Variants in CSMD1 observed in about 807,000 individuals in gnomAD.
The protein encoded by CSMD1 is CUB and Sushi multiple domains 1.
Under a neutral mutation model 417.5 loss-of-function variants are expected in CSMD1, and 213 were observed. The observed-to-expected ratio is 0.51, with a 90% CI of 0.46 to 0.57. CSMD1 has a LOEUF of 0.57. Ranked by LOEUF, CSMD1 falls within the 20% of genes least tolerant of loss-of-function variation. The pLI, the probability that CSMD1 is intolerant of heterozygous loss-of-function variation, is 0.00. For synonymous variants in CSMD1, 2,862 were observed against 1,736.8 expected, an observed-to-expected ratio of 1.65 and a Z score of -16.11; for missense variants, 6,923 against 4,529.7, an observed-to-expected ratio of 1.53 and a Z score of -15.17.
intron 26 of CSMD1, among the ~76,000 whole-genome samples, chr8:3,264,325 C>G (rs1432282101): frequency 6.6e-6 from 1 of 152,264 alleles, no homozygotes; most frequent in African/African-American, 2.4e-5. Flanking sequence ...ATGTGAAGAT[C>G]TGGTATTATA....
At chr8:4,822,993 A>G (rs1199492353) in intron 1 of CSMD1, among the ~76,000 whole-genome samples, 1 of 152,104 alleles carries the variant, frequency 6.6e-6, no homozygotes, top group Non-Finnish European at 1.5e-5. Context: ...GAAATCCAGT[A>G]ATTATTTGTA....
At chr8:4,564,128 T>C (rs1585255378) in intron 2 of CSMD1, among the ~76,000 whole-genome samples, 1 of 152,336 alleles carries the variant, frequency 6.6e-6, no homozygotes, top group East Asian at 1.9e-4. Context: ...ATTTATATTC[T>C]ATAAAATGAA....
chr8:3,917,747 C>G (rs567455619), intron 5 of CSMD1, among the ~76,000 whole-genome samples: 1 of 152,120 alleles, frequency 6.6e-6, no homozygotes, highest in Non-Finnish European at 1.5e-5. Flanking sequence ...CTCAAGGCCA[C>G]AGACAAATCT....
chr8:4,560,619 G>T lies in CSMD1; in HGVS notation c.302+76723C>A, dbSNP rs1287334275. ...GCCTCCCTGAAAGCCTTCTCCCACG[G>T]TTTAGTCCTCATGTGACAGTCCTCA... On this transcript the variant is annotated intron_variant, in intron 2 of 69. Coordinates refer to ENST00000635120, the MANE Select transcript of CSMD1 (RefSeq NM_033225.6). Among the ~76,000 whole-genome samples the T allele has an allele frequency of 1.3e-5, 2 of 152,156 alleles. 1 individual carries two copies. The highest frequency in any genetic ancestry group is 2.9e-5 in the Non-Finnish European group (2 of 68,042).
intron 23 of CSMD1, among the ~76,000 whole-genome samples, chr8:3,341,207 C>T (rs1481881431): frequency 6.6e-6 from 1 of 152,054 alleles, no homozygotes; most frequent in Non-Finnish European, 1.5e-5. Context: ...GGGTGGACAT[C>T]AACATGGAAC....
chr8:3,290,721 T>C (rs1298188780), intron 25 of CSMD1, among the ~76,000 whole-genome samples: 1 of 147,136 alleles, frequency 6.8e-6, no homozygotes, highest in Non-Finnish European at 1.5e-5. Context: ...TAAGGAGATT[T>C]TGGGCTGAGA....
At chr8:3,768,987 G>A (rs533060726) in intron 5 of CSMD1, among the ~76,000 whole-genome samples, 21 of 152,358 alleles carry the variant, frequency 1.4e-4, no homozygotes, top group African/African-American at 4.3e-4. Flanking sequence ...GCGGATTCCC[G>A]CACAGCAGGC....
intron 5 of CSMD1, among the ~76,000 whole-genome samples, chr8:3,838,820 T>G (rs1802892575): frequency 1.0e-5 from 1 of 100,390 alleles, no homozygotes; most frequent in African/African-American, 4.7e-5. Context: ...TTATATATAC[T>G]ATTAATATAT....
At chr8:4,250,366 T>G (rs530091550) in intron 3 of CSMD1, among the ~76,000 whole-genome samples, 4 of 152,292 alleles carry the variant, frequency 2.6e-5, no homozygotes, top group Admixed American at 2.6e-4. Flanking sequence ...CTAATGTGAC[T>G]CTGTGCATAG....
intron 5 of CSMD1, among the ~76,000 whole-genome samples, chr8:3,988,095 T>C (rs535941033): frequency 6.6e-6 from 1 of 152,198 alleles, no homozygotes; most frequent in African/African-American, 2.4e-5. Flanking sequence ...AATATTGTGA[T>C]TTTTTTATAC....
intron 2 of CSMD1, among the ~76,000 whole-genome samples, chr8:4,565,470 G>A (rs1798547945): frequency 6.6e-6 from 1 of 151,970 alleles, no homozygotes; most frequent in African/African-American, 2.4e-5. Flanking sequence ...AGGCATAGTG[G>A]CTCACACCTG....
chr8:3,431,264 G>A (rs1459130282), intron 12 of CSMD1, among the ~76,000 whole-genome samples: 2 of 152,102 alleles, frequency 1.3e-5, no homozygotes, highest in Non-Finnish European at 2.9e-5. Context: ...TCCCTCCCAT[G>A]TGCAGATGTC....
At chr8:4,398,743 T>A (rs34770053) in intron 3 of CSMD1, among the ~76,000 whole-genome samples, 56,332 of 152,020 alleles carry the variant, frequency 0.37, 10,726 homozygotes, top group Middle Eastern at 0.51. Flanking sequence ...AACAGATTTA[T>A]CAATTAGTTT....
chr8:3,258,921 A>G (rs1038315387), intron 26 of CSMD1, among the ~76,000 whole-genome samples: 5 of 152,322 alleles, frequency 3.3e-5, no homozygotes, highest in East Asian at 3.9e-4. Flanking sequence ...AAGGGGAACA[A>G]TAGACACTGC....
intron 8 of CSMD1, among the ~76,000 whole-genome samples, chr8:3,609,293 A>G (rs1440084518): frequency 6.6e-6 from 1 of 152,170 alleles, no homozygotes; most frequent in Non-Finnish European, 1.5e-5. Context: ...TACCAATCTG[A>G]GCTCCCTCCC....
At chr8:3,136,921 T>C (rs1818135686) in intron 41 of CSMD1, among the ~76,000 whole-genome samples, 1 of 152,216 alleles carries the variant, frequency 6.6e-6, no homozygotes, top group Admixed American at 6.5e-5. Context: ...TTCTATGTAA[T>C]ACTGTTTTGA....
chr8:4,876,881 A>C (rs144126755), intron 1 of CSMD1, among the ~76,000 whole-genome samples: 1 of 152,210 alleles, frequency 6.6e-6, no homozygotes, highest in Non-Finnish European at 1.5e-5. Context: ...AATGAGCAAA[A>C]AGGCAAAGAA....
At chr8:4,332,726 G>C (rs1034961706) in intron 3 of CSMD1, among the ~76,000 whole-genome samples, 2 of 151,952 alleles carry the variant, frequency 1.3e-5, no homozygotes, top group African/African-American at 4.8e-5. Flanking sequence ...TACTTTTTCA[G>C]TGTGAGTTAC....
intron 1 of CSMD1, among the ~76,000 whole-genome samples, chr8:4,750,866 G>A (rs971880005): frequency 3.9e-5 from 6 of 152,162 alleles, no homozygotes; most frequent in African/African-American, 9.7e-5. Flanking sequence ...ATTTAGTGAA[G>A]GGACTGTGAA....
Sources: gnomAD v4.1 joint callset for allele counts (sites outside exome capture counted in the v4.1 genomes callset) on GRCh38, gnomAD v4.1.1 for gene constraint, MANE v1.5 for transcripts, NCBI Gene and HGNC (gene_info 2026-07-23, HGNC 2026-07-21) for gene names.